GPHN: variants seen among roughly 807,000 people sequenced by gnomAD.
GPHN encodes gephyrin.
GPHN carries 17 observed loss-of-function variants against 95.5 expected under a neutral mutation model. That is an observed-to-expected ratio of 0.18 (90% CI 0.12 to 0.27). GPHN has a LOEUF of 0.27. GPHN is among the 10% of genes least tolerant of loss of function. The probability of loss-of-function intolerance (pLI) is 1.00; values close to 1 mark genes in which losing one functional copy is unlikely to be tolerated. For missense variants in GPHN, 660 were observed against 978.1 expected (o/e 0.67, Z 4.34); for synonymous variants, 320 against 322.5 (o/e 0.99, Z 0.08).
intron 2 of GPHN, among the ~76,000 whole-genome samples, chr14:66,742,292 A>T (rs752468155): frequency 6.6e-6 from 1 of 152,182 alleles, no homozygotes; most frequent in Non-Finnish European, 1.5e-5. Context: ...ACACTATTTT[A>T]TCCATTATAA....
the GPHN span, chr14:67,576,519 C>T: frequency 1.6e-6 from 2 of 1,285,022 alleles, no homozygotes; most frequent in Admixed American, 1.7e-5. The surrounding 1 kb of genome is among the most constrained non-coding windows in gnomAD (Gnocchi z 4.0). Context: ...GCAAGGGTGG[C>T]CACCACTGCT....
intron 9 of GPHN, among the ~76,000 whole-genome samples, chr14:67,020,175 A>G (rs2073534426): frequency 6.6e-6 from 1 of 152,070 alleles, no homozygotes; most frequent in South Asian, 2.1e-4. Flanking sequence ...GTGTGTTTTG[A>G]TGTTTACACC....
At chr14:66,916,101 G>T in intron 6 of GPHN, 32 bp downstream of exon 6, 1 of 1,410,132 alleles carries the variant, frequency 7.1e-7, no homozygotes, top group African/African-American at 1.4e-5. Context: ...ATGGTTTAGT[G>T]TAAGAGCTTT....
chr14:67,572,104 C>T, the GPHN span: 2 of 1,591,954 alleles, frequency 1.3e-6, no homozygotes, highest in Non-Finnish European at 1.7e-6. Flanking sequence ...AGGTGTGGGA[C>T]CCGGGCCTTG....
intron 1 of GPHN, among the ~76,000 whole-genome samples, chr14:66,524,896 CATT>C (rs202157350): frequency 0.041 from 6,298 of 152,228 alleles, 188 homozygotes; most frequent in Middle Eastern, 0.13. Flanking sequence ...TCCAGTCTAT[CATT>C]GATGGGCATT....
At chr14:67,570,124 GC>G in the GPHN span, 5 of 798,002 alleles carry the variant, frequency 6.3e-6, no homozygotes, top group East Asian at 2.7e-5. Context: ...TGGTGACCCT[GC>G]CCAGGGAGCT....
the GPHN span, chr14:67,599,936 G>C: frequency 4.4e-6 from 5 of 1,142,072 alleles, no homozygotes; most frequent in Admixed American, 1.4e-4. Context: ...GGGCCGACCA[G>C]AGGTCCGGGC....
At chr14:67,577,224 T>G in the GPHN span, 1 of 899,798 alleles carries the variant, frequency 1.1e-6, no homozygotes, top group Non-Finnish European at 1.8e-6. Flanking sequence ...CCCCATAAAT[T>G]AAAGATGGCG....
At chr14:67,285,366 A>ATTT in the GPHN span, among the ~76,000 whole-genome samples, 19,131 of 137,712 alleles carry the variant, frequency 0.14, 2,561 homozygotes, top group East Asian at 0.41. Context: ...CCTTAGGTAA[A>ATTT]TTTTTTTTTT....
At chr14:67,304,793 A>G in the GPHN span, among the ~76,000 whole-genome samples, 2 of 150,320 alleles carry the variant, frequency 1.3e-5, no homozygotes, top group Admixed American at 1.3e-4. Context: ...TGAATTATAT[A>G]TCAATAAAGC....
intron 1 of GPHN, among the ~76,000 whole-genome samples, chr14:66,537,154 A>G (rs1477706202): frequency 6.6e-6 from 1 of 151,972 alleles, no homozygotes; most frequent in Non-Finnish European, 1.5e-5. Flanking sequence ...TCTCTTGGAA[A>G]TGTCATATAG....
intron 2 of GPHN, among the ~76,000 whole-genome samples, chr14:66,688,735 T>G (rs1054085680): frequency 6.6e-6 from 1 of 152,174 alleles, no homozygotes; most frequent in Non-Finnish European, 1.5e-5. Context: ...CAGTACTGTG[T>G]TGAATGAAAG....
intron 10 of GPHN, 114 bp downstream of exon 10, chr14:67,023,789 T>A: frequency 1.2e-6 from 1 of 825,466 alleles, no homozygotes; most frequent in Non-Finnish European, 2.1e-6. Context: ...GTGACAAATA[T>A]GAATATTAGG....
chr14:67,110,175 G>T lies in GPHN; in HGVS notation c.1329G>T (p.Arg443=). Residue 443 remains arginine, a synonymous_variant, in exon 14 of 23, where the codon CGG becomes CGT. Coordinates refer to ENST00000478722, the MANE Select transcript of GPHN (RefSeq NM_020806.5). ...TQTVMPGQVM[R]VTTGAPIPCG... is the part of the protein sequence containing the mutation. ...CAGTAATGCCAGGACAAGTCATGCG[G>T]GTTACAACAGGTGCTCCAATACCCT... The T allele has an allele frequency of 2.5e-6, 4 of 1,612,322 alleles. No homozygotes were observed. The highest frequency in any genetic ancestry group is 3.4e-6 in the Non-Finnish European group (4 of 1,178,406).
chr14:67,726,851 G>A, the GPHN span: 1 of 761,626 alleles, frequency 1.3e-6, no homozygotes, highest in Non-Finnish European at 2.3e-6. Context: ...GACCATTAGA[G>A]TTACTCATGG....
chr14:67,213,251 T>G, the GPHN span, among the ~76,000 whole-genome samples: 1 of 150,498 alleles, frequency 6.6e-6, no homozygotes, highest in African/African-American at 2.4e-5. Flanking sequence ...GCCATGCTGG[T>G]GTGCTGCACC....
chr14:66,551,407 T>C (rs1453794090), intron 1 of GPHN, among the ~76,000 whole-genome samples: 1 of 152,220 alleles, frequency 6.6e-6, no homozygotes, highest in Admixed American at 6.5e-5. Context: ...TATCTGTGTT[T>C]TTTGTAGTTC....
chr14:66,764,479 G>T (rs2058885877), intron 2 of GPHN, among the ~76,000 whole-genome samples: 1 of 151,944 alleles, frequency 6.6e-6, no homozygotes, highest in African/African-American at 2.4e-5. Flanking sequence ...GGAAACTGAT[G>T]CAAGATGAAT....
chr14:66,734,147 C>T lies in GPHN; in HGVS notation c.144-42317C>T, dbSNP rs191884387. ...TTCTCTATATAGCAGCCAGAGAAAC[C>T]TTTTATTAACCGTAAATCAGACCAT... On this transcript the variant is annotated intron_variant, in intron 2 of 22. Transcript: ENST00000478722. 1.2e-3 allele frequency among the ~76,000 whole-genome samples: 178 copies of T among 152,168 alleles called. 1 individual carries two copies. Among genetic ancestry groups the T allele is most frequent in the Non-Finnish European group, 1.3e-4 (9 of 68,000 alleles).
Sources: allele counts gnomAD v4.1 joint callset (sites outside exome capture counted in the v4.1 genomes callset), GRCh38; gene constraint gnomAD v4.1.1; non-coding constraint Gnocchi (gnomAD v3.1); transcripts MANE v1.5; gene names NCBI Gene and HGNC (gene_info 2026-07-23, HGNC 2026-07-21).